The following NLGN1 variants were observed in gnomAD, a reference collection of about 807,000 sequenced individuals.
NLGN1 encodes neuroligin 1.
A neutral mutation model predicts 65.5 loss-of-function variants in NLGN1; 12 were observed. The ratio of observed to expected loss-of-function variants is 0.18; its 90% CI spans 0.12 to 0.30. The LOEUF (loss-of-function observed/expected upper bound fraction) is 0.30. Among genes scored for constraint, NLGN1 ranks in the 10% least tolerant of loss-of-function variants. The probability of loss-of-function intolerance (pLI) is 1.00; values close to 1 mark genes in which losing one functional copy is unlikely to be tolerated. For missense variants in NLGN1, 750 were observed against 1,007.1 expected (o/e 0.74, Z 3.46); for synonymous variants, 350 against 359.5 (o/e 0.97, Z 0.30).
chr3:173,975,589 A>G (rs1276163309), intron 4 of NLGN1, among the ~76,000 whole-genome samples: 1 of 151,996 alleles, frequency 6.6e-6, no homozygotes, highest in Non-Finnish European at 1.5e-5. Context: ...AAAGATGAGA[A>G]AATTGAGATT....
chr3:174,024,485 C>T (rs1361262627), intron 4 of NLGN1, among the ~76,000 whole-genome samples: 2 of 152,022 alleles, frequency 1.3e-5, no homozygotes, highest in Non-Finnish European at 2.9e-5. Context: ...GATTTATGGT[C>T]TATGTGTAAC....
At chr3:173,978,667 G>A (rs901521308) in intron 4 of NLGN1, among the ~76,000 whole-genome samples, 12 of 151,720 alleles carry the variant, frequency 7.9e-5, no homozygotes, top group African/African-American at 2.7e-4. Flanking sequence ...ATTCAAGAAA[G>A]CAGTGGTCAA....
At chr3:173,574,082 A>T (rs1289915817) in intron 2 of NLGN1, among the ~76,000 whole-genome samples, 1 of 150,404 alleles carries the variant, frequency 6.6e-6, no homozygotes, top group Non-Finnish European at 1.5e-5. Context: ...AAAAAAAAAA[A>T]AGAAAAAGAA....
At chr3:174,162,057 G>A (rs1049497060) in intron 4 of NLGN1, among the ~76,000 whole-genome samples, 1 of 151,544 alleles carries the variant, frequency 6.6e-6, no homozygotes, top group Admixed American at 6.6e-5. Flanking sequence ...TAACTCCTGG[G>A]GTAGTTACAT....
intron 3 of NLGN1, among the ~76,000 whole-genome samples, chr3:173,759,132 A>G (rs540862071): frequency 2.0e-5 from 3 of 151,954 alleles, no homozygotes; most frequent in African/African-American, 7.2e-5. Flanking sequence ...ACTTCCTAAC[A>G]TGAATTTTTC....
intron 3 of NLGN1, among the ~76,000 whole-genome samples, chr3:173,611,869 CAGAA>C (rs1292258809): frequency 6.6e-6 from 1 of 152,030 alleles, no homozygotes; most frequent in East Asian, 1.9e-4. Flanking sequence ...ATGCCACCAG[CAGAA>C]AGAGTTATGC....
intron 2 of NLGN1, among the ~76,000 whole-genome samples, chr3:173,569,444 TTACTA>T (rs1306317507): frequency 1.3e-5 from 2 of 152,020 alleles, no homozygotes; most frequent in Non-Finnish European, 2.9e-5. Flanking sequence ...TCAAAAATCT[TTACTA>T]TATTATAGAC....
intron 4 of NLGN1, among the ~76,000 whole-genome samples, chr3:173,928,700 G>T (rs1743483377): frequency 7.1e-6 from 1 of 141,760 alleles, no homozygotes; most frequent in Admixed American, 7.1e-5. Flanking sequence ...TTGAGATAGA[G>T]TCTCTCTGTT....
intron 4 of NLGN1, among the ~76,000 whole-genome samples, chr3:174,186,617 C>T (rs1309773423): frequency 6.6e-6 from 1 of 151,984 alleles, no homozygotes; most frequent in Non-Finnish European, 1.5e-5. Flanking sequence ...TCTGTGATAT[C>T]TCCCTTAAGA....
intron 4 of NLGN1, among the ~76,000 whole-genome samples, chr3:173,817,763 A>G (rs138308354): frequency 3.2e-4 from 48 of 152,266 alleles, no homozygotes; most frequent in African/African-American, 1.1e-3. Context: ...TAATGTTTCT[A>G]TGGTATTAAT....
chr3:173,799,829 G>A (rs1032394641), intron 3 of NLGN1, among the ~76,000 whole-genome samples: 1 of 151,616 alleles, frequency 6.6e-6, no homozygotes, highest in African/African-American at 2.4e-5. Context: ...TAGAAAAAGA[G>A]CAACTTAAGA....
At chr3:173,554,653 A>AT (rs1467940601) in intron 2 of NLGN1, among the ~76,000 whole-genome samples, 1 of 152,192 alleles carries the variant, frequency 6.6e-6, no homozygotes, top group Non-Finnish European at 1.5e-5. Context: ...GTATTCCACA[A>AT]TTTATCAGTT....
Position 173,477,551 on chromosome 3 carries a change from G to GA in NLGN1, c.-321+42481dup, listed in dbSNP as rs889228066. Among the ~76,000 whole-genome samples, 56 of 151,570 alleles carry GA rather than the reference G, an allele frequency of 3.7e-4. 1 individual carries two copies. The South Asian group carries it at 0.012, about 32-fold the overall frequency. ...AGAGCAAGAGCCTGTCTCAAAAAAAGAAAAAAAATAATGAAACCTTTAGTA... is the reference window on the plus strand; with the variant it reads ...AGAGCAAGAGCCTGTCTCAAAAAAAGAAAAAAAAATAATGAAACCTTTAGTA... On this transcript the variant is annotated intron_variant, in intron 2 of 6. Coordinates refer to ENST00000457714, the Ensembl canonical transcript of NLGN1.
At chr3:174,207,201 GAAAAAAA>G (rs11336101) in intron 4 of NLGN1, among the ~76,000 whole-genome samples, 4 of 136,688 alleles carry the variant, frequency 2.9e-5, no homozygotes, top group African/African-American at 8.1e-5. Context: ...GCTCATTCAT[GAAAAAAA>G]AAAAAAAAAA....
intron 4 of NLGN1, among the ~76,000 whole-genome samples, chr3:174,139,251 T>A (rs1721850737): frequency 6.6e-6 from 1 of 152,114 alleles, no homozygotes; most frequent in Non-Finnish European, 1.5e-5. Context: ...GTCCTAAAAA[T>A]CTGTTGTATC....
chr3:173,507,499 T>C (rs1159405457), intron 2 of NLGN1, among the ~76,000 whole-genome samples: 2 of 152,166 alleles, frequency 1.3e-5, no homozygotes. Flanking sequence ...TTGAAATAAT[T>C]ATGATTTCAC....
At chr3:173,615,328 A>G (rs773094572) in intron 3 of NLGN1, among the ~76,000 whole-genome samples, 1 of 152,048 alleles carries the variant, frequency 6.6e-6, no homozygotes, top group Non-Finnish European at 1.5e-5. Flanking sequence ...ATGGCCTACT[A>G]TGGACAAAGT....
chr3:173,459,343 C>T (rs1211339944), intron 2 of NLGN1, among the ~76,000 whole-genome samples: 5 of 152,070 alleles, frequency 3.3e-5, no homozygotes, highest in Non-Finnish European at 7.4e-5. Context: ...CAAATCCCCA[C>T]GTTTTTTCAG....
At chr3:173,578,018 C>T (rs143734149) in intron 2 of NLGN1, among the ~76,000 whole-genome samples, 1,875 of 152,124 alleles carry the variant, frequency 0.012, 42 homozygotes, top group African/African-American at 0.043. Context: ...AGGTGGATCA[C>T]GAGGTCAGGA....
Sources: allele counts gnomAD v4.1 joint callset (sites outside exome capture counted in the v4.1 genomes callset), GRCh38; gene constraint gnomAD v4.1.1; transcripts MANE v1.5; gene names NCBI Gene and HGNC (gene_info 2026-07-23, HGNC 2026-07-21).